XYLT1: variants seen among roughly 807,000 people sequenced by gnomAD.
The protein encoded by XYLT1 is beta-D-xylosyltransferase 1.
Under a neutral mutation model 91.3 loss-of-function variants are expected in XYLT1, and 36 were observed. That is an observed-to-expected ratio of 0.39 (90% confidence interval 0.30 to 0.52). XYLT1 has a LOEUF of 0.52. XYLT1 is among the 20% of genes least tolerant of loss of function. XYLT1 has a pLI of 0.68. For missense variants in XYLT1, 1,242 were observed against 1,284.5 expected (o/e 0.97, Z 0.51); for synonymous variants, 588 against 532.0 (o/e 1.11, Z -1.45).
At chr16:17,121,928 C>T (rs530045730) in intron 10 of XYLT1, among the ~76,000 whole-genome samples, 124 of 152,098 alleles carry the variant, frequency 8.2e-4, no homozygotes, top group African/African-American at 2.5e-3. Flanking sequence ...ACCATTGTTT[C>T]GTTCCTTTTT....
At chr16:17,253,141 A>G (rs1399936057) in intron 3 of XYLT1, among the ~76,000 whole-genome samples, 1 of 152,164 alleles carries the variant, frequency 6.6e-6, no homozygotes, top group Non-Finnish European at 1.5e-5. Context: ...TCTGCAGAAG[A>G]ATAGTTTATG....
intron 2 of XYLT1, among the ~76,000 whole-genome samples, chr16:17,304,881 T>C: frequency 6.6e-6 from 1 of 152,162 alleles, no homozygotes; most frequent in South Asian, 2.1e-4. Flanking sequence ...ATAGTAAAAT[T>C]TAACACTACC....
intron 2 of XYLT1, among the ~76,000 whole-genome samples, chr16:17,280,830 C>T (rs1303007953): frequency 6.6e-6 from 1 of 152,172 alleles, no homozygotes; most frequent in Admixed American, 6.5e-5. Context: ...ACCCCCATCT[C>T]CTCTCTCCTT....
chr16:17,271,172 T>G (rs548080085), intron 2 of XYLT1, among the ~76,000 whole-genome samples: 1 of 151,826 alleles, frequency 6.6e-6, no homozygotes, highest in Admixed American at 6.6e-5. Context: ...TGTTTGTTTG[T>G]TTGTTTTTAA....
intron 2 of XYLT1, among the ~76,000 whole-genome samples, chr16:17,318,827 G>A (rs555744683): frequency 6.9e-5 from 10 of 144,582 alleles, no homozygotes; most frequent in East Asian, 6.0e-4. Flanking sequence ...TCTAACTCTC[G>A]CCCAGGCTGA....
chr16:17,470,298 G>A, intron 1 of XYLT1, 136 bp downstream of exon 1: 1 of 1,104,868 alleles, frequency 9.1e-7, no homozygotes, highest in Non-Finnish European at 1.1e-6. Flanking sequence ...CGGCTTCCCG[G>A]GGCAAGAGGC....
At chr16:17,171,137 T>C (rs758901856) in intron 5 of XYLT1, among the ~76,000 whole-genome samples, 3 of 152,194 alleles carry the variant, frequency 2.0e-5, no homozygotes, top group Non-Finnish European at 4.4e-5. Context: ...TTAGGTAACC[T>C]AGCCCACAGA....
At chr16:17,309,102 G>A (rs1462284077) in intron 2 of XYLT1, among the ~76,000 whole-genome samples, 2 of 152,166 alleles carry the variant, frequency 1.3e-5, no homozygotes, top group African/African-American at 4.8e-5. Context: ...GTGGAAAGGC[G>A]GCTCAGAGAC....
At chr16:17,386,343 T>G (rs1268412063) in intron 1 of XYLT1, among the ~76,000 whole-genome samples, 1 of 152,146 alleles carries the variant, frequency 6.6e-6, no homozygotes, top group African/African-American at 2.4e-5. Flanking sequence ...AGGAAAAACC[T>G]GAATTTACAC....
At chr16:17,238,895 T>C (rs898649558) in intron 3 of XYLT1, among the ~76,000 whole-genome samples, 1 of 152,240 alleles carries the variant, frequency 6.6e-6, no homozygotes, top group Non-Finnish European at 1.5e-5. Context: ...TGGGGTGAGA[T>C]ATCTCATGAT....
intron 9 of XYLT1, among the ~76,000 whole-genome samples, chr16:17,133,054 A>G (rs2030557611): frequency 6.6e-6 from 1 of 152,226 alleles, no homozygotes; most frequent in Non-Finnish European, 1.5e-5. Context: ...CCCAAGGTCA[A>G]TAGCTTGTAA....
chr16:17,147,159 C>T (rs950155987), intron 6 of XYLT1, among the ~76,000 whole-genome samples: 1 of 152,120 alleles, frequency 6.6e-6, no homozygotes, highest in Non-Finnish European at 1.5e-5. Flanking sequence ...CAGTATTAAC[C>T]CACTGAAATG....
chr16:17,255,349 G>A (rs1315255958), intron 3 of XYLT1, among the ~76,000 whole-genome samples: 1 of 152,174 alleles, frequency 6.6e-6, no homozygotes, highest in African/African-American at 2.4e-5. Context: ...ATTTGTGTAT[G>A]TGTGGTCTCT....
chr16:17,135,255 T>C (rs1378990859), intron 8 of XYLT1, among the ~76,000 whole-genome samples: 1 of 152,196 alleles, frequency 6.6e-6, no homozygotes, highest in African/African-American at 2.4e-5. Flanking sequence ...GCTGTTCCTT[T>C]AGACAGCACC....
intron 2 of XYLT1, among the ~76,000 whole-genome samples, chr16:17,274,104 G>A (rs7185476): frequency 0.51 from 77,727 of 151,606 alleles, 21,076 homozygotes; most frequent in African/African-American, 0.68. Context: ...TAGAGACAGC[G>A]TTTCACCATG....
chr16:17,371,862 A>ATG (rs1235758815), intron 1 of XYLT1, among the ~76,000 whole-genome samples: 5 of 152,254 alleles, frequency 3.3e-5, no homozygotes, highest in African/African-American at 1.2e-4. Context: ...GTGAATATGC[A>ATG]TGTGTGTACA....
At chr16:17,307,303 C>A (rs919971595) in intron 2 of XYLT1, among the ~76,000 whole-genome samples, 1 of 152,186 alleles carries the variant, frequency 6.6e-6, no homozygotes. Flanking sequence ...TCTCGAACTC[C>A]TGACCTCGTG....
At chr16:17,285,590 T>A (rs1596465542) in intron 2 of XYLT1, among the ~76,000 whole-genome samples, 1 of 152,216 alleles carries the variant, frequency 6.6e-6, no homozygotes, top group East Asian at 1.9e-4. Context: ...AATTTCACCA[T>A]CATGCCCGGG....
Position 17,236,540 on chromosome 16 carries a change from C to T in XYLT1, c.913+22448G>A, listed in dbSNP as rs74010753. ...ACTGGTGATGCCCATTGTAGTTTCC[C>T]GGGGCTGCCCTAACAAAGTCACACA... On this transcript the variant is annotated intron_variant, in intron 3 of 11. Coordinates refer to ENST00000261381, the MANE Select transcript of XYLT1 (RefSeq NM_022166.4). Among the ~76,000 whole-genome samples the T allele has an allele frequency of 4.0e-3, 608 of 152,256 alleles. 2 individuals are homozygous for T. Among genetic ancestry groups the T allele is most frequent in the African/African-American group, 0.014 (569 of 41,536 alleles).
Sources: gnomAD v4.1 joint callset for allele counts (sites outside exome capture counted in the v4.1 genomes callset) on GRCh38, gnomAD v4.1.1 for gene constraint, MANE v1.5 for transcripts, NCBI Gene and HGNC (gene_info 2026-07-23, HGNC 2026-07-21) for gene names.